PTPRD: variants seen among roughly 807,000 people sequenced by gnomAD.
The protein encoded by PTPRD is protein tyrosine phosphatase receptor type D.
In PTPRD, 34 loss-of-function variants were observed where a neutral mutation model predicts 214.5. That is an observed-to-expected ratio of 0.16 (90% CI 0.12 to 0.21). The LOEUF is 0.21. PTPRD is among the 10% of genes least tolerant of loss of function. The probability of loss-of-function intolerance (pLI) is 1.00; values close to 1 mark genes in which losing one functional copy is unlikely to be tolerated. For missense variants in PTPRD, 2,545 were observed against 2,398.7 expected (o/e 1.06, Z -1.27); for synonymous variants, 1,128 against 845.7 (o/e 1.33, Z -5.79).
In PTPRD at chr9:8,355,896, C is replaced by A. The variant is rs1486382036; in HGVS notation, c.4662-13918G>T. ...ACACTTTGGGTAATGAGGATACAGG[C>A]ACATTGCTAACATTTTTATATGTAA... On this transcript the variant is annotated intron_variant, in intron 39 of 45. Coordinates refer to ENST00000381196, the MANE Select transcript of PTPRD (RefSeq NM_002839.4). Among the ~76,000 whole-genome samples, 9 of 152,058 alleles carry A rather than the reference C, an allele frequency of 5.9e-5. No individual in the cohort carries two copies. In the East Asian group the frequency reaches 1.7e-3, roughly 29 times the overall value.
intron 8 of PTPRD, among the ~76,000 whole-genome samples, chr9:9,508,158 A>G (rs2096613784): frequency 6.6e-6 from 1 of 151,544 alleles, no homozygotes; most frequent in Non-Finnish European, 1.5e-5. Flanking sequence ...CAAGTAAAGT[A>G]CACATACAAT....
At chr9:8,768,081 T>G (rs2094901278) in intron 11 of PTPRD, among the ~76,000 whole-genome samples, 1 of 152,174 alleles carries the variant, frequency 6.6e-6, no homozygotes, top group African/African-American at 2.4e-5. Context: ...TGTTACTATT[T>G]GGCCTGAATT....
At chr9:9,449,199 A>C (rs1282727879) in intron 8 of PTPRD, among the ~76,000 whole-genome samples, 1 of 152,092 alleles carries the variant, frequency 6.6e-6, no homozygotes, top group Non-Finnish European at 1.5e-5. Flanking sequence ...ACAGAACAAC[A>C]ACCACAGGGA....
At chr9:8,880,026 C>T (rs2098429256) in intron 11 of PTPRD, among the ~76,000 whole-genome samples, 1 of 152,076 alleles carries the variant, frequency 6.6e-6, no homozygotes, top group African/African-American at 2.4e-5. Flanking sequence ...TACTTGTTAC[C>T]CTGTTTACAG....
chr9:10,573,202 C>A (rs10959174), intron 2 of PTPRD, among the ~76,000 whole-genome samples: 2 of 152,054 alleles, frequency 1.3e-5, no homozygotes. Flanking sequence ...CTAATTTCAC[C>A]AAAAGAATTA....
At chr9:9,549,974 T>C (rs2079792437) in intron 8 of PTPRD, among the ~76,000 whole-genome samples, 1 of 152,024 alleles carries the variant, frequency 6.6e-6, no homozygotes, top group Non-Finnish European at 1.5e-5. Context: ...TTGGACTAAT[T>C]TTTAGTGCCA....
chr9:9,856,699 T>G (rs2061620912), intron 5 of PTPRD, among the ~76,000 whole-genome samples: 5 of 152,142 alleles, frequency 3.3e-5, no homozygotes, highest in African/African-American at 9.7e-5. Context: ...CTGTTAAAGC[T>G]GTCCCAATTT....
intron 3 of PTPRD, among the ~76,000 whole-genome samples, chr9:10,081,372 A>G (rs291321): frequency 0.42 from 63,099 of 151,894 alleles, 15,157 homozygotes; most frequent in African/African-American, 0.68. Context: ...GAACGCTTGT[A>G]TCCCCTCCAA....
intron 3 of PTPRD, among the ~76,000 whole-genome samples, chr9:10,091,344 T>A (rs1213768832): frequency 2.0e-5 from 3 of 151,544 alleles, no homozygotes; most frequent in Non-Finnish European, 4.4e-5. Flanking sequence ...TTAATTATTT[T>A]TGTTACTATA....
chr9:8,932,624 G>A (rs968805351), intron 11 of PTPRD, among the ~76,000 whole-genome samples: 2 of 152,138 alleles, frequency 1.3e-5, no homozygotes, highest in Admixed American at 6.5e-5. Context: ...GCCAAGTTGT[G>A]GTGGGCTCTG....
At chr9:9,012,526 G>A (rs763288623) in intron 11 of PTPRD, among the ~76,000 whole-genome samples, 4 of 152,008 alleles carry the variant, frequency 2.6e-5, no homozygotes, top group South Asian at 4.1e-4. Flanking sequence ...TTCCATAGGC[G>A]GTATAAGTGT....
chr9:8,881,712 CA>C (rs1156390447), intron 11 of PTPRD, among the ~76,000 whole-genome samples: 24 of 152,208 alleles, frequency 1.6e-4, no homozygotes, highest in African/African-American at 5.3e-4. Context: ...ATTTTAAGGA[CA>C]AACAGAATTG....
intron 2 of PTPRD, among the ~76,000 whole-genome samples, chr9:10,344,288 C>T (rs963581371): frequency 6.6e-5 from 10 of 151,982 alleles, no homozygotes; most frequent in Non-Finnish European, 1.2e-4. Context: ...AATAGAGAAT[C>T]CTTTCTCCAT....
At chr9:9,480,516 T>C (rs1015499634) in intron 8 of PTPRD, among the ~76,000 whole-genome samples, 5 of 152,144 alleles carry the variant, frequency 3.3e-5, no homozygotes, top group Non-Finnish European at 2.9e-5. Flanking sequence ...AAGAAAATGG[T>C]GAAACATTTT....
chr9:10,475,210 A>T (rs1183864139), intron 2 of PTPRD, among the ~76,000 whole-genome samples: 1 of 152,116 alleles, frequency 6.6e-6, no homozygotes, highest in Non-Finnish European at 1.5e-5. Context: ...ATTTTTTTGA[A>T]AAGATTAACC....
At chr9:9,553,095 G>A (rs1012504521) in intron 8 of PTPRD, among the ~76,000 whole-genome samples, 1 of 151,988 alleles carries the variant, frequency 6.6e-6, no homozygotes, top group African/African-American at 2.4e-5. Flanking sequence ...AGCAAAGCAT[G>A]CCAATACATC....
intron 8 of PTPRD, among the ~76,000 whole-genome samples, chr9:9,427,542 A>G (rs2081417151): frequency 9.6e-6 from 1 of 103,634 alleles, no homozygotes; most frequent in South Asian, 2.8e-4. Flanking sequence ...GCCAACATTG[A>G]AATCAGGAAA....
At chr9:8,891,406 A>T (rs1247654775) in intron 11 of PTPRD, among the ~76,000 whole-genome samples, 2 of 151,588 alleles carry the variant, frequency 1.3e-5, no homozygotes, top group Non-Finnish European at 2.9e-5. Flanking sequence ...TGCTGGGATT[A>T]CAGGCGTGAG....
At chr9:9,419,490 T>C (rs2078024559) in intron 8 of PTPRD, among the ~76,000 whole-genome samples, 1 of 151,740 alleles carries the variant, frequency 6.6e-6, no homozygotes, top group South Asian at 2.1e-4. Flanking sequence ...CAATGTAAAA[T>C]CAGGTCCATG....
Sources: gnomAD v4.1 joint callset for allele counts (sites outside exome capture counted in the v4.1 genomes callset) on GRCh38, gnomAD v4.1.1 for gene constraint, MANE v1.5 for transcripts, NCBI Gene and HGNC (gene_info 2026-07-23, HGNC 2026-07-21) for gene names.